Variants in DNAJC3 observed in about 807,000 individuals in gnomAD.
DNAJC3 encodes the protein DnaJ heat shock protein family (Hsp40) member C3, also known as dnaJ homolog subfamily C member 3.
DNAJC3 carries 38 observed loss-of-function variants against 68.6 expected under a neutral mutation model. The ratio of observed to expected loss-of-function variants is 0.55; its 90% confidence interval spans 0.43 to 0.73. The LOEUF (loss-of-function observed/expected upper bound fraction) is 0.73. Ranked by LOEUF, DNAJC3 falls within the 30% of genes least tolerant of loss-of-function variation. The pLI, the probability that DNAJC3 is intolerant of heterozygous loss-of-function variation, is 0.00. For synonymous variants in DNAJC3, 203 were observed against 204.0 expected (o/e 1.00, Z 0.04); for missense variants, 526 against 591.9 (o/e 0.89, Z 1.16).
intron 1 of DNAJC3, among the ~76,000 whole-genome samples, chr13:95,683,484 T>G (rs972926093): frequency 6.6e-6 from 1 of 152,226 alleles, no homozygotes. Flanking sequence ...CTCCCCCCTC[T>G]CTGTCTTCCT....
rs574286797 is a variant in DNAJC3, at chr13:95,791,252, C to G, written c.*222C>G. 1.8e-6 allele frequency: 1 copy of G among 557,100 alleles called. No individual in the cohort carries two copies. The highest frequency in any genetic ancestry group is 1.9e-5 in the African/African-American group (1 of 52,552). 34.5% of individuals were successfully genotyped at this position (557,100 alleles called of 1,614,324 possible). A position where few individuals can be genotyped will look rare whatever the true frequency, so the allele number is the denominator to read the frequency against. On this transcript the variant is annotated 3_prime_UTR_variant, in exon 12 of 12. Coordinates refer to ENST00000602402, the MANE Select transcript of DNAJC3 (RefSeq NM_006260.5). ...ATGGTTCTATTTCTGACAGAGCAGC[C>G]TGCATCTGCTTTATGCTGTCTGGAG...
chr13:95,783,866 A>AG (rs199586280), intron 9 of DNAJC3, among the ~76,000 whole-genome samples: 2,268 of 152,292 alleles, frequency 0.015, 61 homozygotes, highest in African/African-American at 0.052. Flanking sequence ...AGAGGGAAAC[A>AG]GGACTCTCTA....
chr13:95,735,591 ATG>A (rs1160674857), intron 4 of DNAJC3, among the ~76,000 whole-genome samples: 1 of 150,774 alleles, frequency 6.6e-6, no homozygotes, highest in African/African-American at 2.5e-5. Flanking sequence ...GCATTTTTTC[ATG>A]TGTTTTTTGG....
chr13:95,741,833 A>G (rs1593996147), intron 4 of DNAJC3, among the ~76,000 whole-genome samples: 2 of 152,144 alleles, frequency 1.3e-5, no homozygotes, highest in East Asian at 3.9e-4. Flanking sequence ...GCCAATGGGT[A>G]TAGACTGGGC....
intron 4 of DNAJC3, among the ~76,000 whole-genome samples, chr13:95,746,660 G>A (rs1259226491): frequency 6.6e-6 from 1 of 152,102 alleles, no homozygotes; most frequent in Non-Finnish European, 1.5e-5. Flanking sequence ...TGTTTTATAT[G>A]TTCTTGGTTA....
chr13:95,790,410 G>A (rs955001629), intron 11 of DNAJC3, among the ~76,000 whole-genome samples: 17 of 152,130 alleles, frequency 1.1e-4, no homozygotes, highest in African/African-American at 3.4e-4. Context: ...TGGAGGCCCC[G>A]CTCCCCTCAT....
At chr13:95,787,645 C>A (rs1883642466) in intron 11 of DNAJC3, among the ~76,000 whole-genome samples, 1 of 151,426 alleles carries the variant, frequency 6.6e-6, no homozygotes, top group South Asian at 2.1e-4. Flanking sequence ...ATCATAGGAT[C>A]ATTAGATTCA....
Position 95,791,230 on chromosome 13 carries a change from G to A in DNAJC3, c.*200G>A. On this transcript the variant is annotated 3_prime_UTR_variant, in exon 12 of 12. Transcript: ENST00000602402. ...TGCAACGGCAAGGAGGCAAGGAATG[G>A]TTCTATTTCTGACAGAGCAGCCTGC... is the stretch of plus-strand genomic sequence containing the variant. The A allele has an allele frequency of 1.6e-6, 1 of 620,154 alleles. No homozygotes were observed. The highest frequency in any genetic ancestry group is 2.0e-5 in the South Asian group (1 of 49,836). 38.4% of individuals were successfully genotyped at this position (620,154 alleles called of 1,614,324 possible).
rs960153014 is a variant in DNAJC3, at chr13:95,794,105, T to A, written c.*3075T>A. 10 of 152,368 alleles carry A rather than the reference T, an allele frequency of 6.6e-5. No homozygotes were observed. The East Asian group carries it at 1.9e-3, about 29-fold the overall frequency. 9.4% of individuals were successfully genotyped at this position (152,368 alleles called of 1,614,324 possible). On this transcript the variant is annotated 3_prime_UTR_variant, in exon 12 of 12. Transcript: ENST00000602402. Reference sequence around the variant, plus strand: ...TACTAATTCTACAATGCCTTTCTCTTTAGTCAGTATTAAAAATCTTTTTTA... The same window carrying A: ...TACTAATTCTACAATGCCTTTCTCTATAGTCAGTATTAAAAATCTTTTTTA...
intron 4 of DNAJC3, among the ~76,000 whole-genome samples, chr13:95,731,120 G>A (rs1413698873): frequency 1.3e-5 from 2 of 152,050 alleles, no homozygotes; most frequent in Non-Finnish European, 2.9e-5. Context: ...GGTGTATAGA[G>A]ATGCTATTGA....
chr13:95,776,681 G>T (rs1332076393), intron 9 of DNAJC3, among the ~76,000 whole-genome samples: 2 of 152,062 alleles, frequency 1.3e-5, no homozygotes, highest in Non-Finnish European at 2.9e-5. Flanking sequence ...CACTATTTTG[G>T]CAACATCCAT....
chr13:95,689,641 T>G (rs1375631074), intron 1 of DNAJC3, among the ~76,000 whole-genome samples: 1 of 152,056 alleles, frequency 6.6e-6, no homozygotes, highest in Non-Finnish European at 1.5e-5. Flanking sequence ...CAGCTAGTTT[T>G]GGGTTTGTTT....
At chr13:95,707,595 G>A (rs1357653051) in intron 1 of DNAJC3, among the ~76,000 whole-genome samples, 1 of 152,162 alleles carries the variant, frequency 6.6e-6, no homozygotes, top group Non-Finnish European at 1.5e-5. Flanking sequence ...CTGTGGGCCT[G>A]TCTCCTAGGA....
Position 95,742,903 on chromosome 13 carries a change from G to T in DNAJC3, c.394-14741G>T, listed in dbSNP as rs1315308144. ...TTCTCATATCTTCTAAAAGTTTTATGGTTTTGTGTTTTATTTTTAAGCCCA... is the reference window on the plus strand; with the variant it reads ...TTCTCATATCTTCTAAAAGTTTTATTGTTTTGTGTTTTATTTTTAAGCCCA... On this transcript the variant is annotated intron_variant, in intron 4 of 11. Coordinates refer to ENST00000602402, the MANE Select transcript of DNAJC3 (RefSeq NM_006260.5). The T allele has an allele frequency of 6.2e-6, 3 of 483,410 alleles. No individual in the cohort carries two copies. In the East Asian group the frequency reaches 1.8e-4, roughly 29 times the overall value. The allele number at this position is 483,410 out of a possible 1,614,324, so 29.9% of individuals were successfully genotyped here.
intron 1 of DNAJC3, among the ~76,000 whole-genome samples, chr13:95,698,278 G>GCC (rs1245033230): frequency 7.2e-5 from 11 of 152,134 alleles, no homozygotes; most frequent in Admixed American, 7.2e-4. Flanking sequence ...AGCAGCAAAA[G>GCC]CAGACAGATG....
chr13:95,755,654 G>A (rs2139671128), intron 4 of DNAJC3, among the ~76,000 whole-genome samples: 1 of 150,546 alleles, frequency 6.6e-6, no homozygotes, highest in South Asian at 2.1e-4. Flanking sequence ...CTACTCAGGA[G>A]GCTGAGGCAG....
intron 4 of DNAJC3, among the ~76,000 whole-genome samples, chr13:95,749,233 AT>A (rs1381089854): frequency 6.6e-6 from 1 of 152,176 alleles, no homozygotes; most frequent in East Asian, 1.9e-4. Context: ...TTTAAGTGGA[AT>A]TTAAACTCAG....
At chr13:95,764,000 AAATTATCACATT>A (rs1349425028) in intron 9 of DNAJC3, 47 bp downstream of exon 9, 5 of 1,590,396 alleles carry the variant, frequency 3.1e-6, no homozygotes, top group Non-Finnish European at 3.4e-6. Flanking sequence ...GTTGATTAGG[AAATTATCACATT>A]TTAAGCTTCC....
intron 4 of DNAJC3, among the ~76,000 whole-genome samples, chr13:95,748,616 G>A (rs1406950820): frequency 6.6e-6 from 1 of 152,174 alleles, no homozygotes; most frequent in African/African-American, 2.4e-5. Flanking sequence ...AGGAGTTTGA[G>A]ACCAGCCTGG....
Sources: allele counts gnomAD v4.1 joint callset (sites outside exome capture counted in the v4.1 genomes callset), GRCh38; gene constraint gnomAD v4.1.1; transcripts MANE v1.5; gene names NCBI Gene and HGNC (gene_info 2026-07-23, HGNC 2026-07-21).